The following NLGN4Y variants were observed in gnomAD, a reference collection of about 807,000 sequenced individuals.
NLGN4Y encodes the protein neuroligin 4 Y-linked, also known as neuroligin-4, Y-linked.
NLGN4Y carries 4 observed loss-of-function variants against 8.4 expected under a neutral mutation model. That is an observed-to-expected ratio of 0.48 (90% CI 0.23 to 1.09). The LOEUF (loss-of-function observed/expected upper bound fraction) is 1.09. NLGN4Y is among the 50% of genes least tolerant of loss of function. The probability of loss-of-function intolerance (pLI) is 0.19; values close to 1 mark genes in which losing one functional copy is unlikely to be tolerated. For synonymous variants in NLGN4Y, 35 were observed against 75.6 expected, an observed-to-expected ratio of 0.46 and a Z score of 2.78; for missense variants, 90 against 192.3, an observed-to-expected ratio of 0.47 and a Z score of 3.15.
At chrY:14,812,565 A>G (rs2043085595) in intron 4 of NLGN4Y, among the ~76,000 whole-genome samples, 1 of 32,897 alleles carries the variant, frequency 3.0e-5, no homozygotes, top group Admixed American at 2.8e-4. Flanking sequence ...TATTCGTTGC[A>G]TATCTGTGGT....
chrY:14,812,559 C>T, intron 4 of NLGN4Y, among the ~76,000 whole-genome samples: 3 of 32,678 alleles, frequency 9.2e-5, no homozygotes, highest in African/African-American at 2.4e-4. Flanking sequence ...GGAGGTTATT[C>T]GTTGCATATC....
Position 14,841,250 on chromosome Y carries a change from C to A in NLGN4Y, c.2499C>A (p.Thr833=). 2.5e-6 allele frequency: 1 copy of A among 395,991 alleles called. No individual in the cohort carries two copies. Among genetic ancestry groups the A allele is most frequent in the Non-Finnish European group, 3.5e-6 (1 of 282,808 alleles). Residue 833 remains threonine, a synonymous_variant, in exon 7 of 7, where the codon ACC becomes ACA. Coordinates refer to ENST00000684976, the MANE Select transcript of NLGN4Y (RefSeq NM_001365588.1). The part of the protein sequence containing the change: ...NSTNLPHGHS[T]TRV The stretch of plus-strand genomic sequence containing the variant: ...CAAATTTACCCCACGGACATTCCAC[C>A]ACTAGAGTATAGCTTTTCCCTATTT...
chrY:14,607,531 A>G (rs2080451125), intron 1 of NLGN4Y, among the ~76,000 whole-genome samples: 1 of 33,419 alleles, frequency 3.0e-5, no homozygotes, highest in Non-Finnish European at 7.4e-5. Flanking sequence ...AGCTTCATCC[A>G]TGTCCCTGCA....
rs757198098 is a variant in NLGN4Y, at chrY:14,693,627, T to C, written c.473-25832T>C. 9.3e-5 allele frequency among the ~76,000 whole-genome samples: 3 copies of C among 32,104 alleles called. No individual in the cohort carries two copies. The South Asian group carries it at 2.2e-3, about 23-fold the overall frequency. The allele number at this position is 32,104 out of a possible 37,273, so 86.1% of individuals were successfully genotyped here. A position where few individuals can be genotyped will look rare whatever the true frequency, so the allele number is the denominator to read the frequency against. ...TATTTTTGTAGAAACAGTATCTCTCTCTGCTGCCCAGTCTGTTCTTGAACT... is the reference window on the plus strand; with the variant it reads ...TATTTTTGTAGAAACAGTATCTCTCCCTGCTGCCCAGTCTGTTCTTGAACT... On this transcript the variant is annotated intron_variant, in intron 2 of 6. Coordinates refer to ENST00000684976, the MANE Select transcript of NLGN4Y (RefSeq NM_001365588.1).
At chrY:14,784,659 C>CAAA (rs377591643) in intron 4 of NLGN4Y, among the ~76,000 whole-genome samples, 1 of 8,013 alleles carries the variant, frequency 1.2e-4, no homozygotes, top group African/African-American at 5.0e-4. Flanking sequence ...GAATCCGTCT[C>CAAA]AAAAAAAAAA....
Position 14,841,350 on chromosome Y carries a change from A to C in NLGN4Y, c.*88A>C. 6 of 347,747 alleles carry C rather than the reference A, an allele frequency of 1.7e-5. No homozygotes were observed. The highest frequency in any genetic ancestry group is 2.5e-5 in the Non-Finnish European group (6 of 243,453). The allele number at this position is 347,747 out of a possible 400,897, so 86.7% of individuals were successfully genotyped here. ...TAAGGAGAAAGAAAATCTCCAAACC[A>C]GGAATGTTTTTGTGCCACTGACTTT... On this transcript the variant is annotated 3_prime_UTR_variant, in exon 7 of 7. Coordinates refer to ENST00000684976, the MANE Select transcript of NLGN4Y (RefSeq NM_001365588.1).
intron 4 of NLGN4Y, among the ~76,000 whole-genome samples, chrY:14,785,527 A>T (rs2042959469): frequency 2.9e-5 from 1 of 34,039 alleles, no homozygotes; most frequent in Non-Finnish European, 7.3e-5. Context: ...GCAGTTTGGG[A>T]GGCCAAGCGA....
intron 1 of NLGN4Y, among the ~76,000 whole-genome samples, chrY:14,598,216 T>C (rs2080411579): frequency 2.9e-5 from 1 of 34,530 alleles, no homozygotes; most frequent in Non-Finnish European, 7.3e-5. Context: ...AGCCCTTGGG[T>C]GGTCAATGGG....
At chrY:14,761,514 C>A (rs2081079216) in intron 4 of NLGN4Y, among the ~76,000 whole-genome samples, 2 of 33,997 alleles carry the variant, frequency 5.9e-5, no homozygotes, top group African/African-American at 2.3e-4. Context: ...GACTTAAAAC[C>A]AGTGTTAACA....
chrY:14,832,190 G>A (rs2043182241), intron 6 of NLGN4Y, among the ~76,000 whole-genome samples: 1 of 34,760 alleles, frequency 2.9e-5, no homozygotes, highest in Admixed American at 2.5e-4. Flanking sequence ...GCTGTACACA[G>A]TAATTCTGAT....
At chrY:14,840,349 A>G in intron 6 of NLGN4Y, 64 bp from the exon 7 acceptor site, 1 of 373,973 alleles carries the variant, frequency 2.7e-6, no homozygotes, top group Non-Finnish European at 3.8e-6. Flanking sequence ...TTATTGGTTT[A>G]AGATAATTTC....
chrY:14,719,576 C>G, intron 3 of NLGN4Y, 58 bp downstream of exon 3: 1 of 153,135 alleles, frequency 6.5e-6, no homozygotes, highest in Non-Finnish European at 1.1e-5. Context: ...CTATCTATCT[C>G]TCTCTTTTTT....
At chrY:14,601,925 G>C in intron 1 of NLGN4Y, among the ~76,000 whole-genome samples, 1 of 32,056 alleles carries the variant, frequency 3.1e-5, no homozygotes, top group African/African-American at 1.2e-4. Flanking sequence ...TCAAATAAGG[G>C]GGTTAAAAAA....
At chrY:14,741,833 G>T (rs770901047) in intron 4 of NLGN4Y, among the ~76,000 whole-genome samples, 1 of 33,821 alleles carries the variant, frequency 3.0e-5, no homozygotes, top group African/African-American at 1.1e-4. Context: ...ACTATGCCTT[G>T]GTTGTATGTG....
chrY:14,751,921 G>T lies in NLGN4Y; in HGVS notation c.685+28652G>T, dbSNP rs771340234. On this transcript the variant is annotated intron_variant, in intron 4 of 6. Transcript: ENST00000684976. ...GATCCACCTGCCTCGGCCTCCCAAAGTGCTGGGATTACAGGTGTAAGCCAC... is the reference window on the plus strand; with the variant it reads ...GATCCACCTGCCTCGGCCTCCCAAATTGCTGGGATTACAGGTGTAAGCCAC... The T allele has an allele frequency of 5.2e-4, 17 of 32,809 alleles. No homozygotes were observed. In the East Asian group the frequency reaches 0.011, roughly 22 times the overall value. The allele number at this position is 32,809 out of a possible 400,897, so 8.2% of individuals were successfully genotyped here.
At chrY:14,808,234 G>C in intron 4 of NLGN4Y, among the ~76,000 whole-genome samples, 1 of 33,369 alleles carries the variant, frequency 3.0e-5, no homozygotes, top group Admixed American at 2.7e-4. Context: ...GTTTCACCAT[G>C]TTGGCCAGGC....
intron 4 of NLGN4Y, among the ~76,000 whole-genome samples, chrY:14,805,353 GA>G (rs2043053247): frequency 6.0e-5 from 2 of 33,222 alleles, no homozygotes; most frequent in Admixed American, 2.8e-4. Flanking sequence ...TGAAACAATA[GA>G]AAATCTGAAG....
intron 1 of NLGN4Y, among the ~76,000 whole-genome samples, chrY:14,621,703 C>T (rs1005066305): frequency 6.1e-5 from 2 of 32,838 alleles, no homozygotes; most frequent in Non-Finnish European, 7.5e-5. Context: ...CCCAGCTACT[C>T]GGGAGGCTGA....
At chrY:14,765,450 G>T in intron 4 of NLGN4Y, among the ~76,000 whole-genome samples, 1 of 33,505 alleles carries the variant, frequency 3.0e-5, no homozygotes, top group African/African-American at 1.2e-4. Context: ...CACAAAATGA[G>T]CTTCATGATT....
Sources: allele counts gnomAD v4.1 joint callset (sites outside exome capture counted in the v4.1 genomes callset), GRCh38; gene constraint gnomAD v4.1.1; transcripts MANE v1.5; gene names NCBI Gene and HGNC (gene_info 2026-07-23, HGNC 2026-07-21).